The following ERC2 variants were observed in gnomAD, a reference collection of about 807,000 sequenced individuals.
The protein encoded by ERC2 is ERC protein 2.
In ERC2, 42 loss-of-function variants were observed where a neutral mutation model predicts 114.8. The observed-to-expected ratio is 0.37, with a 90% CI of 0.29 to 0.47. ERC2 has a LOEUF of 0.47. ERC2 is among the 20% of genes least tolerant of loss of function. The probability of loss-of-function intolerance (pLI) is 0.99; values close to 1 mark genes in which losing one functional copy is unlikely to be tolerated. For synonymous variants in ERC2, 454 were observed against 425.5 expected (o/e 1.07, Z -0.82); for missense variants, 939 against 1,150.7 (o/e 0.82, Z 2.66).
intron 13 of ERC2, among the ~76,000 whole-genome samples, chr3:55,920,415 AACACACAC>A (rs10560997): frequency 6.8e-5 from 10 of 146,828 alleles, no homozygotes; most frequent in East Asian, 6.0e-4. Context: ...GGCACACTAA[AACACACAC>A]ACACACACAC....
intron 17 of ERC2, among the ~76,000 whole-genome samples, chr3:55,574,094 T>A (rs554190587): frequency 1.3e-5 from 2 of 152,316 alleles, no homozygotes; most frequent in African/African-American, 4.8e-5. Context: ...GTCAAGTTTT[T>A]TCAAAGGCCC....
At chr3:56,181,757 T>C (rs775867623) in intron 3 of ERC2, among the ~76,000 whole-genome samples, 1 of 152,196 alleles carries the variant, frequency 6.6e-6, no homozygotes, top group African/African-American at 2.4e-5. Context: ...AATTATGGCT[T>C]CTTTCTTGCT....
rs542084604 is a variant in ERC2, at chr3:55,991,357, T to C, written c.2255+700A>G. Among the ~76,000 whole-genome samples the C allele has an allele frequency of 7.3e-4, 111 of 152,346 alleles. 1 individual carries two copies. Among genetic ancestry groups the C allele is most frequent in the African/African-American group, 2.5e-3 (106 of 41,580 alleles). On this transcript the variant is annotated intron_variant, in intron 11 of 17. Transcript: ENST00000288221. Reference sequence around the variant, plus strand: ...TATGTAGGATTTTTCAGAAAGTTTTTTCCTTACATGAAGTACAGGAAAAGA... The same window carrying C: ...TATGTAGGATTTTTCAGAAAGTTTTCTCCTTACATGAAGTACAGGAAAAGA...
At chr3:55,954,524 C>T (rs1435791676) in intron 12 of ERC2, among the ~76,000 whole-genome samples, 1 of 152,114 alleles carries the variant, frequency 6.6e-6, no homozygotes, top group Admixed American at 6.6e-5. Flanking sequence ...GAGTGCAGGA[C>T]AGGAGATGCA....
chr3:56,207,443 A>T (rs2048808534), intron 3 of ERC2, among the ~76,000 whole-genome samples: 1 of 152,098 alleles, frequency 6.6e-6, no homozygotes, highest in African/African-American at 2.4e-5. Context: ...TGTACTTACT[A>T]AAACTGGTAT....
intron 2 of ERC2, among the ~76,000 whole-genome samples, chr3:56,326,016 G>T (rs1240166762): frequency 6.6e-6 from 1 of 152,202 alleles, no homozygotes; most frequent in Non-Finnish European, 1.5e-5. Context: ...CCACCGCCAA[G>T]CTCCATGTCA....
intron 3 of ERC2, among the ~76,000 whole-genome samples, chr3:56,238,859 G>T (rs1366659672): frequency 2.0e-5 from 3 of 152,102 alleles, no homozygotes; most frequent in Non-Finnish European, 4.4e-5. Flanking sequence ...AATTCAAGAT[G>T]TCAGAAAAAA....
chr3:56,193,410 AG>A (rs2150074812), intron 3 of ERC2, among the ~76,000 whole-genome samples: 1 of 152,106 alleles, frequency 6.6e-6, no homozygotes, highest in East Asian at 1.9e-4. Context: ...CAGGAGACTG[AG>A]GCAAGAGAAT....
intron 2 of ERC2, among the ~76,000 whole-genome samples, chr3:56,338,553 T>C (rs1406303426): frequency 6.6e-6 from 1 of 152,214 alleles, no homozygotes; most frequent in Non-Finnish European, 1.5e-5. Context: ...CAAGGGATAC[T>C]CCCAGGGTCA....
At chr3:56,387,742 C>T (rs981618787) in intron 2 of ERC2, among the ~76,000 whole-genome samples, 5 of 152,174 alleles carry the variant, frequency 3.3e-5, no homozygotes, top group African/African-American at 1.2e-4. Flanking sequence ...CCTTCTTTCA[C>T]CTCTTTCTTT....
At chr3:55,824,697 C>G (rs1196990437) in intron 14 of ERC2, among the ~76,000 whole-genome samples, 1 of 152,172 alleles carries the variant, frequency 6.6e-6, no homozygotes, top group Non-Finnish European at 1.5e-5. Context: ...TGAGCCTCAA[C>G]CCACATCTGC....
intron 14 of ERC2, among the ~76,000 whole-genome samples, chr3:55,883,930 C>CAACAA (rs1217052884): frequency 1.9e-4 from 28 of 143,694 alleles, no homozygotes; most frequent in African/African-American, 6.1e-4. Flanking sequence ...AACAACAACA[C>CAACAA]CACAAAACTG....
At chr3:55,914,520 G>A (rs1424350622) in intron 13 of ERC2, among the ~76,000 whole-genome samples, 1 of 152,096 alleles carries the variant, frequency 6.6e-6, no homozygotes, top group Non-Finnish European at 1.5e-5. Flanking sequence ...TCCTCTTTCT[G>A]TTGATACACA....
intron 2 of ERC2, among the ~76,000 whole-genome samples, chr3:56,304,321 G>T (rs149111711): frequency 1.3e-5 from 2 of 152,004 alleles, no homozygotes; most frequent in Admixed American, 1.3e-4. Flanking sequence ...TGTTAACTTT[G>T]GGCCAACAAA....
At chr3:55,734,679 G>A in intron 15 of ERC2, 92 bp downstream of exon 15, 1 of 1,479,176 alleles carries the variant, frequency 6.8e-7, no homozygotes, top group Non-Finnish European at 9.1e-7. Context: ...CCCACAGGAT[G>A]GACATGGGAA....
chr3:56,040,911 G>A (rs2075154584), intron 7 of ERC2, among the ~76,000 whole-genome samples: 1 of 151,446 alleles, frequency 6.6e-6, no homozygotes, highest in South Asian at 2.1e-4. Context: ...CTGTCTTCAA[G>A]TTCAGTGATT....
chr3:56,237,822 A>C (rs1452222), intron 3 of ERC2, among the ~76,000 whole-genome samples: 38,342 of 151,856 alleles, frequency 0.25, 5,385 homozygotes, highest in Non-Finnish European at 0.3. Flanking sequence ...AGGGAAAGAA[A>C]ACCTAAGATG....
intron 10 of ERC2, among the ~76,000 whole-genome samples, chr3:55,995,226 A>G (rs1473583975): frequency 1.3e-5 from 2 of 152,118 alleles, no homozygotes; most frequent in Non-Finnish European, 2.9e-5. Context: ...CCAGCTATTC[A>G]GGAGGCTGAG....
intron 6 of ERC2, among the ~76,000 whole-genome samples, chr3:56,099,546 G>A (rs1256339993): frequency 6.6e-6 from 1 of 152,166 alleles, no homozygotes; most frequent in Non-Finnish European, 1.5e-5. Context: ...CATCCTCAGA[G>A]GATGTAACAT....
Sources: allele counts gnomAD v4.1 joint callset (sites outside exome capture counted in the v4.1 genomes callset), GRCh38; gene constraint gnomAD v4.1.1; transcripts MANE v1.5; gene names NCBI Gene and HGNC (gene_info 2026-07-23, HGNC 2026-07-21).